CTNNA2: variants seen among roughly 807,000 people sequenced by gnomAD.
The protein encoded by CTNNA2 is catenin alpha 2.
In CTNNA2, 42 loss-of-function variants were observed where a neutral mutation model predicts 101.0. The ratio of observed to expected loss-of-function variants is 0.42; its 90% CI spans 0.32 to 0.54. The LOEUF is 0.54. Among genes scored for constraint, CTNNA2 ranks in the 20% least tolerant of loss-of-function variants. The pLI is 0.14. For missense variants in CTNNA2, 871 were observed against 1,223.1 expected, an observed-to-expected ratio of 0.71 and a Z score of 4.29; for synonymous variants, 450 against 456.4, an observed-to-expected ratio of 0.99 and a Z score of 0.18.
intron 6 of CTNNA2, among the ~76,000 whole-genome samples, chr2:79,882,436 C>A (rs1346825704): frequency 1.3e-5 from 2 of 152,170 alleles, no homozygotes; most frequent in African/African-American, 2.4e-5. Context: ...GCAGGGAAGC[C>A]CCACCCAATG....
intron 4 of CTNNA2, among the ~76,000 whole-genome samples, chr2:79,864,900 A>G (rs993487034): frequency 2.0e-5 from 3 of 152,196 alleles, no homozygotes; most frequent in African/African-American, 7.2e-5. Flanking sequence ...CATAGGGAAT[A>G]AGAAAACCAT....
At chr2:80,183,738 A>G (rs982604322) in intron 7 of CTNNA2, among the ~76,000 whole-genome samples, 1 of 152,228 alleles carries the variant, frequency 6.6e-6, no homozygotes, top group Non-Finnish European at 1.5e-5. Context: ...ATGCATTTAG[A>G]TGAGTAAATC....
chr2:79,945,237 C>T (rs147612702), intron 7 of CTNNA2, among the ~76,000 whole-genome samples: 116 of 152,128 alleles, frequency 7.6e-4, no homozygotes, highest in African/African-American at 2.5e-3. Flanking sequence ...GACAGGGTCT[C>T]GCTATGTTGC....
chr2:79,336,152 T>C (rs1676989880), intron 3 of CTNNA2, among the ~76,000 whole-genome samples: 1 of 152,222 alleles, frequency 6.6e-6, no homozygotes. Flanking sequence ...TAGCCTTTAG[T>C]AATGCAATTC....
intron 2 of CTNNA2, among the ~76,000 whole-genome samples, chr2:79,298,364 T>A (rs1434204): frequency 0.28 from 42,778 of 152,000 alleles, 9,040 homozygotes; most frequent in African/African-American, 0.6. Flanking sequence ...AATCAGACCC[T>A]TGACCCAAAC....
intron 2 of CTNNA2, among the ~76,000 whole-genome samples, chr2:79,248,509 A>T (rs1476343853): frequency 2.0e-5 from 3 of 152,156 alleles, no homozygotes; most frequent in Admixed American, 1.3e-4. Flanking sequence ...CCACATTTCC[A>T]GTGCTGGATG....
intron 7 of CTNNA2, among the ~76,000 whole-genome samples, chr2:80,106,816 A>G (rs540046614): frequency 6.6e-6 from 1 of 152,186 alleles, no homozygotes; most frequent in Non-Finnish European, 1.5e-5. Flanking sequence ...AGATGAGGCC[A>G]GGATATTCAC....
At chr2:79,286,968 T>C (rs1675612424) in intron 2 of CTNNA2, among the ~76,000 whole-genome samples, 1 of 152,220 alleles carries the variant, frequency 6.6e-6, no homozygotes, top group Non-Finnish European at 1.5e-5. Context: ...TTATTCTTTT[T>C]TTCTCTAAAC....
chr2:79,657,352 C>CTAAAGGA (rs1681685892), intron 2 of CTNNA2, among the ~76,000 whole-genome samples: 2 of 151,888 alleles, frequency 1.3e-5, no homozygotes, highest in Admixed American at 1.3e-4. Flanking sequence ...GGAAGGGAAT[C>CTAAAGGA]AGTTCCTAGA....
Position 79,764,811 on chromosome 2 carries a change from G to T in CTNNA2, c.298+20229G>T, listed in dbSNP as rs73941306. On this transcript the variant is annotated intron_variant, in intron 3 of 18. Transcript: ENST00000402739. Reference sequence around the variant, plus strand: ...TAGATAGACTAAAACTAGAATGTGGGCCCAGGGAGTAAGGGCATGAGCTGA... The same window carrying T: ...TAGATAGACTAAAACTAGAATGTGGTCCCAGGGAGTAAGGGCATGAGCTGA... Among the ~76,000 whole-genome samples, 1,134 of 152,212 alleles carry T rather than the reference G, an allele frequency of 7.5e-3. 9 individuals carry two copies. Among genetic ancestry groups the T allele is most frequent in the African/African-American group, 0.026 (1,078 of 41,528 alleles).
At chr2:79,653,972 C>G (rs1215642077) in intron 2 of CTNNA2, among the ~76,000 whole-genome samples, 5 of 152,130 alleles carry the variant, frequency 3.3e-5, no homozygotes, top group Non-Finnish European at 7.4e-5. Flanking sequence ...TGAGGCCTCA[C>G]CAGCATCTCC....
At chr2:80,239,679 A>C (rs932699178) in intron 7 of CTNNA2, among the ~76,000 whole-genome samples, 4 of 152,142 alleles carry the variant, frequency 2.6e-5, no homozygotes, top group African/African-American at 4.8e-5. Flanking sequence ...TGGGAGGCTG[A>C]GGTGGGTGGA....
chr2:80,351,039 G>A (rs138549059), intron 7 of CTNNA2, among the ~76,000 whole-genome samples: 23 of 152,208 alleles, frequency 1.5e-4, no homozygotes, highest in African/African-American at 4.8e-4. Context: ...ATTCTTTCTC[G>A]TGATGAGCTC....
intron 1 of CTNNA2, among the ~76,000 whole-genome samples, chr2:79,527,159 A>G (rs1672455930): frequency 6.6e-6 from 1 of 152,116 alleles, no homozygotes; most frequent in Non-Finnish European, 1.5e-5. Flanking sequence ...GAATGATTAC[A>G]GCTTAATAGT....
chr2:79,512,242 C>G (rs1202378226), upstream of CTNNA2, among the ~76,000 whole-genome samples: 1 of 152,092 alleles, frequency 6.6e-6, no homozygotes, highest in African/African-American at 2.4e-5. Flanking sequence ...TCTCAAAATG[C>G]CTAAGTACAG....
chr2:79,456,976 C>T (rs374995980), intron 4 of CTNNA2, among the ~76,000 whole-genome samples: 3 of 151,986 alleles, frequency 2.0e-5, no homozygotes, highest in Non-Finnish European at 4.4e-5. Context: ...CCGAGGCGGG[C>T]AGATCACGAG....
rs570924485 is a variant in CTNNA2 at position 79,556,964 on chromosome 2, A to AT, written c.-6+43763dup. ...GAGTTAAGTTACCCTACATGCTTGCATTTTTTCTGATTCTTAAAGATCTTC... is the reference window on the plus strand; with the variant it reads ...GAGTTAAGTTACCCTACATGCTTGCATTTTTTTCTGATTCTTAAAGATCTTC... On this transcript the variant is annotated intron_variant, in intron 1 of 18. Transcript: ENST00000402739. Among the ~76,000 whole-genome samples the AT allele has an allele frequency of 2.0e-3, 297 of 151,910 alleles. 1 individual carries two copies. The highest frequency in any genetic ancestry group is 6.8e-3 in the African/African-American group (284 of 41,506).
At chr2:80,419,761 G>A (rs565288019) in intron 9 of CTNNA2, among the ~76,000 whole-genome samples, 160 bp downstream of exon 9, 2 of 151,872 alleles carry the variant, frequency 1.3e-5, no homozygotes, top group South Asian at 2.1e-4. Context: ...ACCCCCTTTC[G>A]AAGGAATCAA....
intron 12 of CTNNA2, among the ~76,000 whole-genome samples, chr2:80,569,044 T>G (rs1316143499): frequency 1.3e-5 from 2 of 152,170 alleles, no homozygotes; most frequent in African/African-American, 4.8e-5. Flanking sequence ...TCTTCATCTC[T>G]GCTACCTTTG....
Sources: allele counts gnomAD v4.1 joint callset (sites outside exome capture counted in the v4.1 genomes callset), GRCh38; gene constraint gnomAD v4.1.1; transcripts MANE v1.5; gene names NCBI Gene and HGNC (gene_info 2026-07-23, HGNC 2026-07-21).